Variants in TYW1 observed in about 807,000 individuals in gnomAD.
The protein encoded by TYW1 is tRNA-yW synthesizing protein 1 homolog.
In TYW1, 46 loss-of-function variants were observed where a neutral mutation model predicts 96.2. That is an observed-to-expected ratio of 0.48 (90% confidence interval 0.38 to 0.61). The LOEUF (loss-of-function observed/expected upper bound fraction) is 0.61. Among genes scored for constraint, TYW1 ranks in the 20% least tolerant of loss-of-function variants. The pLI is 0.00. For synonymous variants in TYW1, 274 were observed against 323.0 expected, an observed-to-expected ratio of 0.85 and a Z score of 1.63; for missense variants, 684 against 909.6, an observed-to-expected ratio of 0.75 and a Z score of 3.19.
At chr7:67,083,163 A>G (rs1239653490) in intron 10 of TYW1, among the ~76,000 whole-genome samples, 2 of 152,208 alleles carry the variant, frequency 1.3e-5, no homozygotes, top group African/African-American at 4.8e-5. Flanking sequence ...TTAAAGCAGC[A>G]GAGAGCGTTC....
intron 11 of TYW1, among the ~76,000 whole-genome samples, chr7:67,088,738 A>G (rs1796623220): frequency 6.6e-6 from 1 of 152,044 alleles, no homozygotes; most frequent in Admixed American, 6.5e-5. Context: ...TAATATTTTA[A>G]AAAACATTTT....
chr7:67,032,286 T>C (rs1332540035), intron 7 of TYW1, among the ~76,000 whole-genome samples: 2 of 151,966 alleles, frequency 1.3e-5, no homozygotes, highest in African/African-American at 4.8e-5. Context: ...TGGATCTCCG[T>C]AGGGTTTGGG....
At chr7:67,047,639 GACTT>G (rs1795226441) in intron 7 of TYW1, among the ~76,000 whole-genome samples, 1 of 136,762 alleles carries the variant, frequency 7.3e-6, no homozygotes, top group Non-Finnish European at 1.6e-5. Context: ...GACTTAATGC[GACTT>G]TTTTTTTTTT....
At chr7:67,035,878 C>T (rs1215828947) in intron 7 of TYW1, among the ~76,000 whole-genome samples, 2 of 151,486 alleles carry the variant, frequency 1.3e-5, no homozygotes, top group East Asian at 1.9e-4. Context: ...GAGGTTTCAC[C>T]GTGTTAGCCA....
At chr7:67,006,417 A>ATCTCAGGT (rs1793589695) in intron 3 of TYW1, among the ~76,000 whole-genome samples, 1 of 147,040 alleles carries the variant, frequency 6.8e-6, no homozygotes, top group Non-Finnish European at 1.5e-5. Flanking sequence ...AAATTGCCCA[A>ATCTCAGGT]TCTCAGGTAT....
At chr7:67,104,478 C>T (rs1315891543) in intron 12 of TYW1, among the ~76,000 whole-genome samples, 1 of 152,292 alleles carries the variant, frequency 6.6e-6, no homozygotes, top group East Asian at 1.9e-4. Flanking sequence ...GCAAGGGGGA[C>T]GTCCCCATCA....
chr7:67,080,817 T>A (rs377347229), intron 10 of TYW1, among the ~76,000 whole-genome samples: 8 of 152,084 alleles, frequency 5.3e-5, no homozygotes, highest in Non-Finnish European at 7.4e-5. Flanking sequence ...TGTTTTTTTT[T>A]AAAATTCATT....
At chr7:67,026,425 T>C (rs1794457806) in intron 7 of TYW1, among the ~76,000 whole-genome samples, 1 of 152,210 alleles carries the variant, frequency 6.6e-6, no homozygotes, top group African/African-American at 2.4e-5. Context: ...TGGAAAACTT[T>C]AAAACATTCC....
At chr7:67,081,268 T>C (rs1796385483) in intron 10 of TYW1, among the ~76,000 whole-genome samples, 1 of 148,500 alleles carries the variant, frequency 6.7e-6, no homozygotes, top group South Asian at 2.2e-4. Flanking sequence ...CATCCCATTC[T>C]CTCCTGGCCT....
intron 9 of TYW1, among the ~76,000 whole-genome samples, chr7:67,064,909 C>T (rs1287179223): frequency 2.6e-5 from 4 of 152,194 alleles, no homozygotes; most frequent in East Asian, 3.8e-4. Context: ...AAAAGAGTGT[C>T]TTAAACTTCA....
At chr7:67,188,518 G>T (rs535253636) in intron 14 of TYW1, among the ~76,000 whole-genome samples, 3 of 152,192 alleles carry the variant, frequency 2.0e-5, no homozygotes, top group South Asian at 2.1e-4. Context: ...CTCTTGGAGC[G>T]GGAAGAAAAG....
chr7:67,205,069 C>T (rs1800739641), intron 15 of TYW1, among the ~76,000 whole-genome samples: 1 of 151,846 alleles, frequency 6.6e-6, no homozygotes, highest in African/African-American at 2.4e-5. Flanking sequence ...AGTTGTTTCC[C>T]AGACATTTTG....
At chr7:67,003,507 G>A (rs1793472603) in intron 3 of TYW1, among the ~76,000 whole-genome samples, 1 of 151,366 alleles carries the variant, frequency 6.6e-6, no homozygotes, top group African/African-American at 2.4e-5. Flanking sequence ...AATTGCCATA[G>A]TAAACTGCAT....
intron 12 of TYW1, among the ~76,000 whole-genome samples, chr7:67,102,487 T>C (rs59057755): frequency 0.033 from 5,043 of 152,012 alleles, 285 homozygotes; most frequent in East Asian, 0.16. Context: ...GACTGGGAAA[T>C]GAGGAGGGAG....
intron 13 of TYW1, among the ~76,000 whole-genome samples, chr7:67,135,541 C>T (rs1195717514): frequency 6.6e-6 from 1 of 151,452 alleles, no homozygotes; most frequent in East Asian, 1.9e-4. Flanking sequence ...TGGCCTCAAG[C>T]AATCCACCGC....
At chr7:66,997,364 T>C (rs1372648528) in intron 1 of TYW1, among the ~76,000 whole-genome samples, 4 of 152,188 alleles carry the variant, frequency 2.6e-5, no homozygotes, top group African/African-American at 4.8e-5. Context: ...TTGAGAATCT[T>C]TTACAAGTTT....
intron 13 of TYW1, among the ~76,000 whole-genome samples, chr7:67,129,243 G>C (rs1392772829): frequency 6.6e-6 from 1 of 152,206 alleles, no homozygotes; most frequent in African/African-American, 2.4e-5. Flanking sequence ...GTTATCAACA[G>C]AATGCTCTGA....
intron 4 of TYW1, among the ~76,000 whole-genome samples, chr7:67,011,249 G>A (rs1164625670): frequency 2.0e-5 from 3 of 152,122 alleles, no homozygotes; most frequent in African/African-American, 4.8e-5. Context: ...TGTTGGCCAG[G>A]CTGGTGTTGA....
chr7:67,195,311 A>G lies in TYW1; in HGVS notation c.1951A>G (p.Asn651Asp). The change falls in exon 15 of 16, where the codon AAT becomes GAT. Residue 651 changes from asparagine (N) to aspartate (D), a missense_variant. Transcript: ENST00000359626. The part of the protein sequence containing the change: ...YEIACEHEHS[N>D]CLLIAHRKFK... ...AATTGCATGTGAACACGAACACTCT[A>G]ATTGCCTCCTGATAGCACACAGAAA... 1 of 1,613,342 alleles carries G rather than the reference A, an allele frequency of 6.2e-7. No homozygotes were observed. Among genetic ancestry groups the G allele is most frequent in the South Asian group, 1.1e-5 (1 of 91,010 alleles).
Sources: allele counts gnomAD v4.1 joint callset (sites outside exome capture counted in the v4.1 genomes callset), GRCh38; gene constraint gnomAD v4.1.1; transcripts MANE v1.5; gene names NCBI Gene and HGNC (gene_info 2026-07-23, HGNC 2026-07-21).